PDSS1: variants seen among roughly 807,000 people sequenced by gnomAD.
PDSS1 encodes the protein all trans-polyprenyl-diphosphate synthase PDSS1.
PDSS1 carries 43 observed loss-of-function variants against 57.5 expected under a neutral mutation model. That is an observed-to-expected ratio of 0.75 (90% confidence interval 0.59 to 0.96). PDSS1 has a LOEUF of 0.96. Among genes scored for constraint, PDSS1 ranks in the 50% least tolerant of loss-of-function variants. PDSS1 has a pLI of 0.00. For missense variants in PDSS1, 438 were observed against 527.8 expected, an observed-to-expected ratio of 0.83 and a Z score of 1.67; for synonymous variants, 175 against 191.3, an observed-to-expected ratio of 0.91 and a Z score of 0.70.
chr10:26,732,113 C>T (rs529919194), intron 8 of PDSS1, among the ~76,000 whole-genome samples: 26 of 152,374 alleles, frequency 1.7e-4, no homozygotes, highest in African/African-American at 4.6e-4. Flanking sequence ...AATCATTCTT[C>T]ATGCTCCACC....
rs12250220 is a variant in PDSS1 at position 26,723,753 on chromosome 10, A to G, written c.610-53A>G. 4.5e-3 allele frequency: 5,445 copies of G among 1,211,458 alleles called. 185 individuals carry two copies. In the African/African-American group the frequency reaches 0.072, roughly 16 times the overall value. The allele number at this position is 1,211,458 out of a possible 1,614,324, so 75.0% of individuals were successfully genotyped here. Reference sequence around the variant, plus strand: ...TCCAGTCAGTTTCATCATTGGCTCTACTGCTCTGATGGATTTTTCAGAACG... The same window carrying G: ...TCCAGTCAGTTTCATCATTGGCTCTGCTGCTCTGATGGATTTTTCAGAACG... On this transcript the variant is annotated intron_variant, in intron 6 of 11. Coordinates refer to ENST00000376215, the MANE Select transcript of PDSS1 (RefSeq NM_014317.5).
At chr10:26,729,426 G>A (rs951489112) in intron 8 of PDSS1, among the ~76,000 whole-genome samples, 1 of 152,100 alleles carries the variant, frequency 6.6e-6, no homozygotes, top group African/African-American at 2.4e-5. Context: ...TCAAAACCAC[G>A]AGGTATCAAA....
chr10:26,724,384 C>G (rs1011909881), intron 8 of PDSS1, among the ~76,000 whole-genome samples: 12 of 152,118 alleles, frequency 7.9e-5, no homozygotes, highest in African/African-American at 2.9e-4. Context: ...CCCGCACCTT[C>G]CCCAATCTGA....
At chr10:26,718,621 T>C (rs1056411313) in intron 5 of PDSS1, 1 of 151,890 alleles carries the variant, frequency 6.6e-6, no homozygotes, top group Non-Finnish European at 1.5e-5. Flanking sequence ...ATTAGCTGGA[T>C]GTGGTGGTGT....
intron 10 of PDSS1, among the ~76,000 whole-genome samples, chr10:26,738,936 C>T (rs1183279941): frequency 2.0e-5 from 3 of 152,138 alleles, no homozygotes; most frequent in African/African-American, 7.2e-5. Context: ...AGAATAAAAA[C>T]CTCATGTTAA....
chr10:26,719,838 G>C (rs1341951018), intron 5 of PDSS1, among the ~76,000 whole-genome samples: 3 of 152,112 alleles, frequency 2.0e-5, no homozygotes, highest in African/African-American at 7.2e-5. Flanking sequence ...TTTAAAAAAT[G>C]CTTCTCACCT....
chr10:26,718,966 G>T (rs899166485), intron 5 of PDSS1, among the ~76,000 whole-genome samples: 1 of 152,084 alleles, frequency 6.6e-6, no homozygotes, highest in African/African-American at 2.4e-5. Flanking sequence ...CACCTTTTAT[G>T]TAGTTATACT....
At chr10:26,714,504 A>G (rs117190266) in intron 5 of PDSS1, 4,990 of 151,780 alleles carry the variant, frequency 0.033, 117 homozygotes, top group Middle Eastern at 0.059. Flanking sequence ...GAGCTTTATG[A>G]TAGATTTCTA....
At chr10:26,700,575 A>G (rs934104685) in intron 1 of PDSS1, among the ~76,000 whole-genome samples, 12 of 152,072 alleles carry the variant, frequency 7.9e-5, no homozygotes, top group Non-Finnish European at 1.5e-4. Flanking sequence ...TGCTGTTCTC[A>G]TGATAGGGAG....
chr10:26,707,228 A>G (rs916145105), intron 4 of PDSS1, among the ~76,000 whole-genome samples: 1 of 152,156 alleles, frequency 6.6e-6, no homozygotes, highest in African/African-American at 2.4e-5. Flanking sequence ...CTAGAAGGAC[A>G]TACACCAATT....
intron 8 of PDSS1, among the ~76,000 whole-genome samples, chr10:26,731,468 C>T (rs1299898860): frequency 6.6e-6 from 1 of 152,188 alleles, no homozygotes; most frequent in African/African-American, 2.4e-5. Context: ...TCCAGTTTTA[C>T]AATTACAAAC....
rs1488220819 is a variant in PDSS1 at position 26,712,386 on chromosome 10, G to A, written c.467+2618G>A. Among the ~76,000 whole-genome samples, 2 of 99,874 alleles carry A rather than the reference G, an allele frequency of 2.0e-5. 1 individual carries two copies. The highest frequency in any genetic ancestry group is 6.5e-5 in the African/African-American group (2 of 30,740). The allele number at this position is 99,874 out of a possible 152,430, so 65.5% of individuals were successfully genotyped here. ...ATAGGAGAATATAACAAAAGCCATT[G>A]CTAGTTTAAATAGTAAGTTCACTAC... On this transcript the variant is annotated intron_variant, in intron 5 of 11. Coordinates refer to ENST00000376215, the MANE Select transcript of PDSS1 (RefSeq NM_014317.5).
intron 11 of PDSS1, among the ~76,000 whole-genome samples, chr10:26,745,646 A>G (rs902259787): frequency 3.3e-5 from 5 of 152,208 alleles, no homozygotes; most frequent in Admixed American, 2.6e-4. Context: ...CAGGAGTTCG[A>G]GACCAGCCTG....
intron 10 of PDSS1, among the ~76,000 whole-genome samples, chr10:26,737,783 A>G (rs1426443031): frequency 2.0e-5 from 3 of 152,014 alleles, no homozygotes. Flanking sequence ...AAAAGGAAAA[A>G]AAAAGATTAC....
At chr10:26,718,265 A>G (rs998521128) in intron 5 of PDSS1, among the ~76,000 whole-genome samples, 5 of 151,612 alleles carry the variant, frequency 3.3e-5, no homozygotes, top group Non-Finnish European at 7.4e-5. Context: ...CTGGTCTCGA[A>G]CTCCTGACCT....
At chr10:26,739,075 A>G (rs1179332425) in intron 10 of PDSS1, among the ~76,000 whole-genome samples, 2 of 152,112 alleles carry the variant, frequency 1.3e-5, no homozygotes, top group East Asian at 1.9e-4. Flanking sequence ...TCCTTATTTG[A>G]TAAGTCACTA....
intron 8 of PDSS1, among the ~76,000 whole-genome samples, chr10:26,735,000 C>A (rs184672511): frequency 2.6e-4 from 39 of 152,310 alleles, no homozygotes; most frequent in Non-Finnish European, 4.4e-4. Context: ...CTTATCCTGT[C>A]TGAAAGCAGG....
intron 1 of PDSS1, among the ~76,000 whole-genome samples, chr10:26,698,525 G>A (rs1016581562): frequency 6.6e-6 from 1 of 152,066 alleles, no homozygotes; most frequent in African/African-American, 2.4e-5. Flanking sequence ...GCTGCCTTTG[G>A]GTTCCGATCT....
At chr10:26,703,030 A>C (rs1835095255) in intron 2 of PDSS1, among the ~76,000 whole-genome samples, 1 of 152,228 alleles carries the variant, frequency 6.6e-6, no homozygotes, top group Non-Finnish European at 1.5e-5. Context: ...GCTTGATTGA[A>C]TAGATACTGT....
Sources: gnomAD v4.1 joint callset for allele counts (sites outside exome capture counted in the v4.1 genomes callset) on GRCh38, gnomAD v4.1.1 for gene constraint, MANE v1.5 for transcripts, NCBI Gene and HGNC (gene_info 2026-07-23, HGNC 2026-07-21) for gene names.